ZNF496: variants seen among roughly 807,000 people sequenced by gnomAD.
ZNF496 encodes NSD1 (nuclear receptor binding SET-domain containing 1)-interacting zinc finger protein 1.
A neutral mutation model predicts 58.9 loss-of-function variants in ZNF496; 11 were observed. That is an observed-to-expected ratio of 0.19 (90% CI 0.12 to 0.31). The LOEUF is 0.31. Ranked by LOEUF, ZNF496 falls within the 10% of genes least tolerant of loss-of-function variation. The pLI, the probability that ZNF496 is intolerant of heterozygous loss-of-function variation, is 1.00. For missense variants in ZNF496, 660 were observed against 783.0 expected, an observed-to-expected ratio of 0.84 and a Z score of 1.88; for synonymous variants, 338 against 318.2, an observed-to-expected ratio of 1.06 and a Z score of -0.66.
At chr1:247,302,949 C>T (rs754655408) in intron 9 of ZNF496, among the ~76,000 whole-genome samples, 3 of 152,236 alleles carry the variant, frequency 2.0e-5, no homozygotes, top group South Asian at 2.1e-4. Context: ...CAAGGTGGAC[C>T]GCTAAGATCT....
chr1:247,300,861 C>T lies in ZNF496; in HGVS notation c.1422G>A (p.Leu474=). The T allele has an allele frequency of 6.2e-7, 1 of 1,610,874 alleles. No homozygotes were observed. Among genetic ancestry groups the T allele is most frequent in the Middle Eastern group, 1.7e-4 (1 of 6,046 alleles). Residue 474 remains leucine, a synonymous_variant, in exon 10 of 10, where the codon CTG becomes CTA. Coordinates refer to ENST00000682384, the MANE Select transcript of ZNF496 (RefSeq NM_032752.3). This position sits in a 1 kb window ranked among gnomAD's most constrained non-coding sequence, Gnocchi z 5.7. ...GCCGGTGGGAGAGCAGGTGGGAGTTCAGGCGGAAGCTCTTCCCGCAGGCAC... is the reference window on the plus strand; with the variant it reads ...GCCGGTGGGAGAGCAGGTGGGAGTTTAGGCGGAAGCTCTTCCCGCAGGCAC... ...RCGACGKSFR[L]NSHLLSHRRI... is the part of the protein sequence containing the mutation.
At chr1:247,328,967 C>T in intron 4 of ZNF496, 101 bp from the exon 5 acceptor site, 1 of 1,462,820 alleles carries the variant, frequency 6.8e-7, no homozygotes, top group Non-Finnish European at 9.2e-7. Context: ...AAAGGCTCAA[C>T]TTAGGCCTTG....
rs74163752 is a variant in ZNF496 at position 247,323,768 on chromosome 1, G to GAA, written c.575-540_575-539dup. Among the ~76,000 whole-genome samples, 302 of 139,354 alleles carry GAA rather than the reference G, an allele frequency of 2.2e-3. 2 individuals are homozygous for GAA. Among genetic ancestry groups the GAA allele is most frequent in the African/African-American group, 6.5e-3 (243 of 37,190 alleles). The allele number at this position is 139,354 out of a possible 152,430, so 91.4% of individuals were successfully genotyped here. A position where few individuals can be genotyped will look rare whatever the true frequency, so the allele number is the denominator to read the frequency against. On this transcript the variant is annotated intron_variant, in intron 5 of 9. Transcript: ENST00000682384. Reference sequence around the variant, plus strand: ...AGTATTTGTTTCTTAAAAAGAAAAAGAAAAAAAAAAAGAAGAAGAAAAAGA... The same window carrying GAA: ...AGTATTTGTTTCTTAAAAAGAAAAAGAAAAAAAAAAAAAGAAGAAGAAAAAGA...
At chr1:247,315,242 C>T (rs766073309) in intron 6 of ZNF496, among the ~76,000 whole-genome samples, 7 of 152,016 alleles carry the variant, frequency 4.6e-5, no homozygotes, top group Non-Finnish European at 5.9e-5. Flanking sequence ...ATGCAGGACA[C>T]CCCACCTTCA....
intron 9 of ZNF496, among the ~76,000 whole-genome samples, chr1:247,306,564 A>G (rs1004777682): frequency 6.8e-6 from 1 of 146,180 alleles, no homozygotes; most frequent in Admixed American, 6.9e-5. Flanking sequence ...ACTGGAGTGC[A>G]GTGTCATGAT....
At chr1:247,303,722 G>A (rs1260227211) in intron 9 of ZNF496, among the ~76,000 whole-genome samples, 3 of 152,196 alleles carry the variant, frequency 2.0e-5, no homozygotes, top group Non-Finnish European at 2.9e-5. Context: ...ATAGTGAAAC[G>A]TGAGATGAGA....
intron 6 of ZNF496, among the ~76,000 whole-genome samples, chr1:247,320,304 A>G (rs991153262): frequency 6.6e-6 from 1 of 152,266 alleles, no homozygotes; most frequent in Admixed American, 6.5e-5. Context: ...AACGAAAAGC[A>G]ATGGAATAGT....
At chr1:247,328,656 C>A (rs1660218095) in intron 5 of ZNF496, 27 bp downstream of exon 5, 13 of 1,531,302 alleles carry the variant, frequency 8.5e-6, no homozygotes, top group Non-Finnish European at 1.1e-5. Flanking sequence ...CCAGATCACC[C>A]CTGCTACACT....
At chr1:247,303,746 G>T (rs1659319433) in intron 9 of ZNF496, among the ~76,000 whole-genome samples, 1 of 152,184 alleles carries the variant, frequency 6.6e-6, no homozygotes, top group African/African-American at 2.4e-5. Context: ...ATAAACTGAA[G>T]AAGGAATTGT....
At chr1:247,325,453 A>G (rs548354639) in intron 5 of ZNF496, among the ~76,000 whole-genome samples, 2 of 152,258 alleles carry the variant, frequency 1.3e-5, no homozygotes, top group Non-Finnish European at 2.9e-5. Flanking sequence ...ATAACTATAC[A>G]TTGTGAAATG....
chr1:247,325,425 C>T (rs775514616), intron 5 of ZNF496, among the ~76,000 whole-genome samples: 42 of 152,080 alleles, frequency 2.8e-4, no homozygotes, highest in Non-Finnish European at 4.4e-4. Context: ...ATTTTGTATA[C>T]GAAAACTGTA....
intron 6 of ZNF496, among the ~76,000 whole-genome samples, chr1:247,316,502 GTCAGGACAC>G (rs1372579494): frequency 6.6e-6 from 1 of 151,988 alleles, no homozygotes; most frequent in Non-Finnish European, 1.5e-5. Context: ...GAGCAAGCGC[GTCAGGACAC>G]TCAGCCCCTC....
intron 5 of ZNF496, among the ~76,000 whole-genome samples, chr1:247,323,866 G>A (rs541678332): frequency 6.6e-6 from 1 of 152,062 alleles, no homozygotes; most frequent in African/African-American, 2.4e-5. Context: ...TGTAATCCTA[G>A]CTCTTTGGGA....
intron 6 of ZNF496, chr1:247,322,599 G>C (rs1659996227): frequency 4.9e-6 from 3 of 608,492 alleles, no homozygotes; most frequent in Non-Finnish European, 7.6e-6. Context: ...TGCTGGACCA[G>C]CCCCCAGCCC....
intron 5 of ZNF496, among the ~76,000 whole-genome samples, chr1:247,325,661 G>C (rs571870695): frequency 1.3e-5 from 2 of 152,174 alleles, no homozygotes; most frequent in East Asian, 1.9e-4. Flanking sequence ...TCTCCCAGAG[G>C]GGGTGTTTTA....
chr1:247,322,839 T>C (rs1485424574), intron 6 of ZNF496: 2 of 1,279,890 alleles, frequency 1.6e-6, no homozygotes, highest in East Asian at 4.3e-5. Flanking sequence ...ATCTCCTTTT[T>C]CACAAGAGGG....
Position 247,300,837 on chromosome 1 carries a change from C to T in ZNF496, c.1446G>A (p.Arg482=), listed in dbSNP as rs1443261578. Residue 482 remains arginine (R), a synonymous_variant, in exon 10 of 10, where the codon CGG becomes CGA. Transcript: ENST00000682384. This position sits in a 1 kb window ranked among gnomAD's most constrained non-coding sequence, Gnocchi z 5.7. ...FRLNSHLLSH[R]RIHLQPDRLQ... is the part of the protein sequence containing the mutation. The stretch of plus-strand genomic sequence containing the variant: ...GTCTGTCCGGCTGCAGGTGTATCCG[C>T]CGGTGGGAGAGCAGGTGGGAGTTCA... The T allele has an allele frequency of 1.9e-6, 3 of 1,609,928 alleles. No individual in the cohort carries two copies. The highest frequency in any genetic ancestry group is 1.3e-5 in the African/African-American group (1 of 74,914).
Position 247,309,910 on chromosome 1 carries a change from G to A in ZNF496, c.785-104C>T, listed in dbSNP as rs1219002330. ...AGGCGGAGGGATGCCCAGCGGGCAT[G>A]GCACCATCAGGGGCGAGAAGTGAAA... is the stretch of plus-strand genomic sequence containing the variant. On this transcript the variant is annotated intron_variant, in intron 7 of 9. Transcript: ENST00000682384. This position sits in a 1 kb window ranked among gnomAD's most constrained non-coding sequence, Gnocchi z 4.3. 6 of 1,405,302 alleles carry A rather than the reference G, an allele frequency of 4.3e-6. No homozygotes were observed. The Admixed American group carries it at 1.3e-4, about 30-fold the overall frequency. 87.1% of individuals were successfully genotyped at this position (1,405,302 alleles called of 1,614,324 possible).
At chr1:247,303,505 A>ATTT (rs1659312447) in intron 9 of ZNF496, among the ~76,000 whole-genome samples, 1 of 152,164 alleles carries the variant, frequency 6.6e-6, no homozygotes, top group South Asian at 2.1e-4. Context: ...CATGTTTAAA[A>ATTT]AGCCTTGAGG....
Sources: gnomAD v4.1 joint callset for allele counts (sites outside exome capture counted in the v4.1 genomes callset) on GRCh38, gnomAD v4.1.1 for gene constraint, Gnocchi (gnomAD v3.1) non-coding constraint, MANE v1.5 for transcripts, NCBI Gene and HGNC (gene_info 2026-07-23, HGNC 2026-07-21) for gene names.